SNX2: variants seen among roughly 807,000 people sequenced by gnomAD.
SNX2 encodes the protein sorting nexin-2.
SNX2 carries 25 observed loss-of-function variants against 69.9 expected under a neutral mutation model. That is an observed-to-expected ratio of 0.36 (90% confidence interval 0.26 to 0.50). SNX2 has a LOEUF of 0.50. SNX2 is among the 20% of genes least tolerant of loss of function. The pLI is 0.97. For missense variants in SNX2, 551 were observed against 613.3 expected (o/e 0.90, Z 1.07); for synonymous variants, 229 against 200.4 (o/e 1.14, Z -1.20).
chr5:122,806,142 G>GCGCACGCGCACACACACAAACA, intron 6 of SNX2, among the ~76,000 whole-genome samples: 1 of 130,584 alleles, frequency 7.7e-6, no homozygotes, highest in Non-Finnish European at 1.6e-5. Flanking sequence ...ACACGCGCGC[G>GCGCACGCGCACACACACAAACA]CACACACACA....
At chr5:122,791,210 G>A (rs1417091551) in intron 1 of SNX2, among the ~76,000 whole-genome samples, 1 of 146,980 alleles carries the variant, frequency 6.8e-6, no homozygotes, top group African/African-American at 2.5e-5. Flanking sequence ...CACAACCTCT[G>A]CCTCCCAGGT....
At chr5:122,798,859 T>C (rs1753446572) in intron 2 of SNX2, among the ~76,000 whole-genome samples, 1 of 152,236 alleles carries the variant, frequency 6.6e-6, no homozygotes, top group Non-Finnish European at 1.5e-5. Flanking sequence ...GTTTGTTCTG[T>C]AGCTCATGTA....
intron 6 of SNX2, among the ~76,000 whole-genome samples, chr5:122,805,807 G>T (rs915037163): frequency 1.3e-5 from 2 of 152,082 alleles, no homozygotes; most frequent in African/African-American, 4.8e-5. Context: ...TTGAGATGGA[G>T]TCTTGCTCTG....
In SNX2 at chr5:122,829,512, A is replaced by AT. The variant is rs905226410; in HGVS notation, c.1510-77dup. ...GAGCTACCCAGCCCGGCTTATGTAG[A>AT]TTTTTTTTTAATGCTGTACAGGATA... On this transcript the variant is annotated intron_variant, in intron 14 of 14. Coordinates refer to ENST00000379516, the MANE Select transcript of SNX2 (RefSeq NM_003100.4). 3.3e-3 allele frequency: 3,397 copies of AT among 1,043,608 alleles called. 1 individual carries two copies. The highest frequency in any genetic ancestry group is 3.8e-3 in the East Asian group (137 of 36,230). The allele number at this position is 1,043,608 out of a possible 1,614,324, so 64.6% of individuals were successfully genotyped here. A position where few individuals can be genotyped will look rare whatever the true frequency, so the allele number is the denominator to read the frequency against.
At position 122,827,472 on chromosome 5, in the gene SNX2, A is replaced by C. The variant is rs751344206; in HGVS notation, c.1437+13A>C. On this transcript the variant is annotated intron_variant, in intron 13 of 14. Transcript: ENST00000379516. ...GGGAAGATTTGAGGCATGTATAATA[A>C]TTTTGCATTTATCTTAACAACATGG... is the stretch of plus-strand genomic sequence containing the variant. 3.7e-6 allele frequency: 6 copies of C among 1,611,562 alleles called. No homozygotes were observed. In the South Asian group the frequency reaches 6.6e-5, roughly 18 times the overall value.
At chr5:122,821,541 C>T (rs1171950678) in intron 11 of SNX2, among the ~76,000 whole-genome samples, 5 of 151,980 alleles carry the variant, frequency 3.3e-5, no homozygotes, top group South Asian at 2.1e-4. Context: ...TTGCAGGCTC[C>T]GCCTCCGGGT....
intron 1 of SNX2, among the ~76,000 whole-genome samples, chr5:122,781,741 A>G (rs1197800451): frequency 6.6e-6 from 1 of 152,154 alleles, no homozygotes; most frequent in Non-Finnish European, 1.5e-5. Flanking sequence ...TGTATGTTAC[A>G]TTTTTAGGAA....
intron 2 of SNX2, among the ~76,000 whole-genome samples, chr5:122,799,445 C>T (rs1369080446): frequency 2.0e-5 from 3 of 152,028 alleles, no homozygotes; most frequent in Non-Finnish European, 2.9e-5. Flanking sequence ...TCAGCCTGAT[C>T]CCTACCACTA....
At chr5:122,801,625 A>G (rs1237283933) in intron 3 of SNX2, among the ~76,000 whole-genome samples, 2 of 135,964 alleles carry the variant, frequency 1.5e-5, no homozygotes, top group African/African-American at 2.9e-5. Flanking sequence ...AAAAAAAAAA[A>G]TTGTTACTTC....
chr5:122,796,582 AT>A (rs1309761243), intron 2 of SNX2, among the ~76,000 whole-genome samples: 1 of 152,216 alleles, frequency 6.6e-6, no homozygotes. Context: ...TTTCCAGGCA[AT>A]CTTTCAAAGT....
At chr5:122,777,346 G>T (rs994822441) in intron 1 of SNX2, among the ~76,000 whole-genome samples, 1 of 152,158 alleles carries the variant, frequency 6.6e-6, no homozygotes, top group African/African-American at 2.4e-5. Flanking sequence ...TTTTTAACAC[G>T]CTTTCCTGAT....
rs1442864932 is a variant in SNX2 at position 122,818,936 on chromosome 5, C to T, written c.1125C>T (p.Asp375=). The T allele has an allele frequency of 1.2e-6, 2 of 1,613,874 alleles. No homozygotes were observed. The highest frequency in any genetic ancestry group is 8.5e-7 in the Non-Finnish European group (1 of 1,179,838). The part of the protein sequence containing the change: ...SQLAEVEEKI[D]QLHQEQAFAD... The stretch of plus-strand genomic sequence containing the variant: ...TTGCAGAGGTTGAGGAGAAGATAGA[C>T]CAGTTACATCAAGAACAAGCTTTTG... The change falls in exon 11 of 15, where the codon GAC becomes GAT. Residue 375 remains aspartate (D), a synonymous_variant. Transcript: ENST00000379516.
chr5:122,826,716 T>TG, intron 12 of SNX2: 1 of 787,748 alleles, frequency 1.3e-6, no homozygotes, highest in Non-Finnish European at 1.5e-6. Flanking sequence ...ACCAGTGTTT[T>TG]GGTTACATAG....
At chr5:122,817,249 A>C (rs368133363) in intron 9 of SNX2, 31 bp from the exon 10 acceptor site, 82 of 1,589,238 alleles carry the variant, frequency 5.2e-5, no homozygotes, top group Non-Finnish European at 6.9e-5. Flanking sequence ...TGTTCTTCCT[A>C]AATTAGCTCC....
intron 7 of SNX2, among the ~76,000 whole-genome samples, chr5:122,810,398 TTAAAAAA>T (rs980212599): frequency 1.7e-4 from 10 of 59,918 alleles, no homozygotes; most frequent in African/African-American, 5.3e-4. Context: ...GAATGATCAA[TTAAAAAA>T]AAAAAAAAAA....
At chr5:122,806,645 C>T (rs1581637521) in intron 6 of SNX2, among the ~76,000 whole-genome samples, 1 of 151,792 alleles carries the variant, frequency 6.6e-6, no homozygotes, top group South Asian at 2.1e-4. Flanking sequence ...GTCACAATGT[C>T]CCTTAACAAT....
intron 7 of SNX2, among the ~76,000 whole-genome samples, chr5:122,814,042 AT>A (rs1753843488): frequency 6.6e-6 from 1 of 152,132 alleles, no homozygotes; most frequent in Non-Finnish European, 1.5e-5. Flanking sequence ...GATTACAGGC[AT>A]GAGCCACCTC....
chr5:122,795,188 A>C, intron 1 of SNX2, 78 bp from the exon 2 acceptor site: 1 of 879,542 alleles, frequency 1.1e-6, no homozygotes, highest in South Asian at 1.5e-5. Flanking sequence ...AGAATGTTCT[A>C]TTTCTGTAGT....
At chr5:122,792,231 T>G (rs999604978) in intron 1 of SNX2, among the ~76,000 whole-genome samples, 3 of 152,234 alleles carry the variant, frequency 2.0e-5, no homozygotes, top group African/African-American at 7.2e-5. Context: ...TGAGGGTAGT[T>G]TACTTAAAAA....
Sources: allele counts gnomAD v4.1 joint callset (sites outside exome capture counted in the v4.1 genomes callset), GRCh38; gene constraint gnomAD v4.1.1; transcripts MANE v1.5; gene names NCBI Gene and HGNC (gene_info 2026-07-23, HGNC 2026-07-21).